Variants in TJP2 observed in about 807,000 individuals in gnomAD.
TJP2 encodes the protein Friedreich ataxia region gene X104 (tight junction protein ZO-2).
In TJP2, 91 loss-of-function variants were observed where a neutral mutation model predicts 133.1. That is an observed-to-expected ratio of 0.68 (90% CI 0.58 to 0.81). TJP2 has a LOEUF of 0.81. Ranked by LOEUF, TJP2 falls within the 40% of genes least tolerant of loss-of-function variation. The probability of loss-of-function intolerance (pLI) is 0.00; values close to 1 mark genes in which losing one functional copy is unlikely to be tolerated. For synonymous variants in TJP2, 592 were observed against 583.4 expected, an observed-to-expected ratio of 1.01 and a Z score of -0.21; for missense variants, 1,541 against 1,565.6, an observed-to-expected ratio of 0.98 and a Z score of 0.26.
Position 69,220,919 on chromosome 9 carries a change from C to T in TJP2, c.375C>T (p.Ala125=), listed in dbSNP as rs181450555. The T allele has an allele frequency of 3.6e-4, 580 of 1,612,390 alleles. 5 individuals are homozygous for T. In the East Asian group the frequency reaches 0.012, roughly 33 times the overall value. The change falls in exon 5 of 23, where the codon GCC becomes GCT. Residue 125 remains alanine, a synonymous_variant. Coordinates refer to ENST00000377245, the MANE Select transcript of TJP2 (RefSeq NM_004817.4). The part of the protein sequence containing the change: ...VVKRPRKVQV[A]ALQASPPLDQ... ...AGAGGCCCCGGAAGGTCCAGGTGGC[C>T]GCACTTCAGGCCAGCCCTCCCCTGG...
At position 69,230,368 on chromosome 9, in the gene TJP2, GA is replaced by G; in HGVS notation, c.1671+138del. ...TGCAAGTTTGTTGATGCCCAGCATTGAAGTCTCTGTATTCCTCAAATGCGTC... is the reference window on the plus strand; with the variant it reads ...TGCAAGTTTGTTGATGCCCAGCATTGAGTCTCTGTATTCCTCAAATGCGTC... On this transcript the variant is annotated intron_variant, in intron 11 of 22. Coordinates refer to ENST00000377245, the MANE Select transcript of TJP2 (RefSeq NM_004817.4). The G allele has an allele frequency of 4.5e-6, 5 of 1,105,670 alleles. No individual in the cohort carries two copies. In the South Asian group the frequency reaches 6.6e-5, roughly 14 times the overall value. 68.5% of individuals were successfully genotyped at this position (1,105,670 alleles called of 1,614,324 possible).
intron 1 of TJP2, among the ~76,000 whole-genome samples, chr9:69,176,930 T>C (rs1446238270): frequency 6.6e-6 from 1 of 151,354 alleles, no homozygotes; most frequent in Non-Finnish European, 1.5e-5. Flanking sequence ...TAAAAAGTCA[T>C]GCAGACTTGG....
At chr9:69,195,997 C>CTT (rs1462428557) in intron 1 of TJP2, among the ~76,000 whole-genome samples, 1 of 152,220 alleles carries the variant, frequency 6.6e-6, no homozygotes, top group African/African-American at 2.4e-5. Context: ...GGGCCTCACT[C>CTT]TGTCACCCAG....
chr9:69,210,805 T>G (rs1405705554), intron 1 of TJP2, among the ~76,000 whole-genome samples: 2 of 149,744 alleles, frequency 1.3e-5, no homozygotes, highest in Non-Finnish European at 3.0e-5. Flanking sequence ...GTTGCTCAGG[T>G]TGGTCGTAAA....
intron 1 of TJP2, among the ~76,000 whole-genome samples, chr9:69,194,163 G>A (rs1826392478): frequency 6.6e-6 from 1 of 151,924 alleles, no homozygotes; most frequent in Admixed American, 6.6e-5. Flanking sequence ...CTTCCTCTGC[G>A]CTCCCACAGC....
chr9:69,219,316 CA>C (rs1828630658), intron 4 of TJP2, among the ~76,000 whole-genome samples: 1 of 151,960 alleles, frequency 6.6e-6, no homozygotes, highest in South Asian at 2.1e-4. Flanking sequence ...TGAAGATTTT[CA>C]AAGAAAAAGG....
chr9:69,227,568 C>G (rs573114670), intron 7 of TJP2, among the ~76,000 whole-genome samples, 197 bp from the exon 8 acceptor site: 12 of 152,270 alleles, frequency 7.9e-5, no homozygotes, highest in African/African-American at 2.9e-4. Context: ...AATTTGCCTT[C>G]CCCTTTATTA....
intron 22 of TJP2, chr9:69,253,354 A>G (rs1831476656): frequency 5.7e-6 from 1 of 174,408 alleles, no homozygotes; most frequent in Non-Finnish European, 1.2e-5. Context: ...TAAATGCCAC[A>G]CAAACAGTAG....
chr9:69,230,468 A>C lies in TJP2; in HGVS notation c.1671+236A>C, dbSNP rs558595409. ...ACTGATAGTGTTTCTGCCCTTGCCAAGATTTTATTAGTCTGATTAATGTGA... is the reference window on the plus strand; with the variant it reads ...ACTGATAGTGTTTCTGCCCTTGCCACGATTTTATTAGTCTGATTAATGTGA... On this transcript the variant is annotated intron_variant, in intron 11 of 22. Coordinates refer to ENST00000377245, the MANE Select transcript of TJP2 (RefSeq NM_004817.4). Among the ~76,000 whole-genome samples, 8 of 152,330 alleles carry C rather than the reference A, an allele frequency of 5.3e-5. No homozygotes were observed. The South Asian group carries it at 1.7e-3, about 32-fold the overall frequency.
intron 4 of TJP2, among the ~76,000 whole-genome samples, chr9:69,220,388 G>A (rs965935858): frequency 2.0e-5 from 3 of 152,094 alleles, no homozygotes; most frequent in African/African-American, 7.2e-5. Flanking sequence ...TGGTAGAAAC[G>A]TTCAGATTAT....
At chr9:69,226,278 AG>A in intron 7 of TJP2, 103 bp downstream of exon 7, 1 of 1,337,730 alleles carries the variant, frequency 7.5e-7, no homozygotes, top group Non-Finnish European at 1.0e-6. Flanking sequence ...TAAATTTCTA[AG>A]GAAAGACCCC....
At chr9:69,204,341 T>C (rs1827231371) in intron 1 of TJP2, among the ~76,000 whole-genome samples, 1 of 152,218 alleles carries the variant, frequency 6.6e-6, no homozygotes, top group Non-Finnish European at 1.5e-5. Flanking sequence ...TACACTATGG[T>C]AGCAAGAATT....
intron 1 of TJP2, among the ~76,000 whole-genome samples, chr9:69,211,423 A>G (rs1239962177): frequency 6.6e-6 from 1 of 152,236 alleles, no homozygotes; most frequent in Non-Finnish European, 1.5e-5. Context: ...TCAAATATTT[A>G]AAGTCTTTGA....
At chr9:69,239,861 A>T in intron 16 of TJP2, 76 bp from the exon 17 acceptor site, 1 of 1,164,072 alleles carries the variant, frequency 8.6e-7, no homozygotes, top group Non-Finnish European at 1.3e-6. Flanking sequence ...TACAGCCTTT[A>T]CTTATTAAAA....
chr9:69,185,878 G>GT (rs1230747928), intron 1 of TJP2, among the ~76,000 whole-genome samples: 1 of 112,228 alleles, frequency 8.9e-6, no homozygotes, highest in African/African-American at 3.4e-5. Flanking sequence ...CTATAATGTA[G>GT]TCCTTTTTTT....
Position 69,254,386 on chromosome 9 carries a change from C to T in TJP2, c.*12C>T, listed in dbSNP as rs761197860. On this transcript the variant is annotated 3_prime_UTR_variant, in exon 23 of 23. Coordinates refer to ENST00000377245, the MANE Select transcript of TJP2 (RefSeq NM_004817.4). ...ACACAGAATTATAGATGTCTGAGCA[C>T]GGACTCTCCCAGGCCTGCCTGCATG... 34 of 1,613,922 alleles carry T rather than the reference C, an allele frequency of 2.1e-5. No homozygotes were observed. Among genetic ancestry groups the T allele is most frequent in the African/African-American group, 2.7e-5 (2 of 75,052 alleles).
upstream of TJP2, among the ~76,000 whole-genome samples, chr9:69,170,085 G>C (rs1824595178): frequency 6.6e-6 from 1 of 151,956 alleles, no homozygotes; most frequent in Non-Finnish European, 1.5e-5. Flanking sequence ...CTAGGCTCAA[G>C]CAATCCTCCT....
In TJP2 at chr9:69,236,129, G is replaced by A. The variant is rs1417793542; in HGVS notation, c.1882G>A (p.Gly628Arg). ...ETPQSLAFTR[G>R]EVFRVVDTLY... ...TCCACAGAGCCTGGCCTTCACCAGA[G>A]GGGAGGTCTTCCGAGTGGTAGACAC... Residue 628 changes from glycine to arginine, a missense_variant, in exon 13 of 23, where the codon GGG (glycine) becomes AGG (arginine). Physicochemically the swap from Gly to Arg is moderately radical, Grantham distance 125 (BLOSUM62 -2). Transcript: ENST00000377245. 1 of 1,614,238 alleles carries A rather than the reference G, an allele frequency of 6.2e-7. No homozygotes were observed. The highest frequency in any genetic ancestry group is 1.3e-5 in the African/African-American group (1 of 75,068).
chr9:69,181,752 T>C (rs1316347196), intron 1 of TJP2, among the ~76,000 whole-genome samples: 1 of 152,176 alleles, frequency 6.6e-6, no homozygotes, highest in African/African-American at 2.4e-5. Flanking sequence ...CTTTTTTTTT[T>C]AGAGATCCAG....
Sources: gnomAD v4.1 joint callset for allele counts (sites outside exome capture counted in the v4.1 genomes callset) on GRCh38, gnomAD v4.1.1 for gene constraint, MANE v1.5 for transcripts, NCBI Gene and HGNC (gene_info 2026-07-23, HGNC 2026-07-21) for gene names.